The following HPSE2 variants were observed in gnomAD, a reference collection of about 807,000 sequenced individuals.
The protein encoded by HPSE2 is inactive heparanase-2.
Under a neutral mutation model 60.5 loss-of-function variants are expected in HPSE2, and 38 were observed. That is an observed-to-expected ratio of 0.63 (90% confidence interval 0.48 to 0.82). HPSE2 has a LOEUF of 0.82. Among genes scored for constraint, HPSE2 ranks in the 40% least tolerant of loss-of-function variants. HPSE2 has a pLI of 0.00. For missense variants in HPSE2, 713 were observed against 740.4 expected (o/e 0.96, Z 0.43); for synonymous variants, 295 against 293.2 (o/e 1.01, Z -0.06).
intron 3 of HPSE2, among the ~76,000 whole-genome samples, chr10:98,767,496 T>A (rs1950145974): frequency 6.7e-6 from 1 of 148,936 alleles, no homozygotes; most frequent in Admixed American, 6.7e-5. Flanking sequence ...GATATATACA[T>A]GTATATGTTA....
At chr10:98,722,713 G>A (rs1026566538) in intron 4 of HPSE2, among the ~76,000 whole-genome samples, 4 of 152,064 alleles carry the variant, frequency 2.6e-5, no homozygotes, top group African/African-American at 9.7e-5. Context: ...TCCCTGAAAC[G>A]AGCAGCTCCA....
intron 3 of HPSE2, among the ~76,000 whole-genome samples, chr10:99,075,638 T>C (rs1430739298): frequency 6.6e-6 from 1 of 152,178 alleles, no homozygotes; most frequent in Non-Finnish European, 1.5e-5. Context: ...AGTGTCCCAC[T>C]ATTATAGGAT....
At chr10:98,888,249 T>C (rs1953229923) in intron 3 of HPSE2, among the ~76,000 whole-genome samples, 1 of 151,816 alleles carries the variant, frequency 6.6e-6, no homozygotes, top group Non-Finnish European at 1.5e-5. Context: ...TGACATATAG[T>C]TTCCATAGAA....
chr10:98,544,786 G>A (rs1442978379), intron 9 of HPSE2, among the ~76,000 whole-genome samples: 3 of 147,646 alleles, frequency 2.0e-5, no homozygotes, highest in Non-Finnish European at 4.5e-5. Context: ...CTAGCAGAAC[G>A]CAAGAAATAA....
intron 5 of HPSE2, among the ~76,000 whole-genome samples, chr10:98,709,412 T>C (rs1467873461): frequency 6.6e-6 from 1 of 152,222 alleles, no homozygotes; most frequent in Non-Finnish European, 1.5e-5. Flanking sequence ...GAGTGGAAGA[T>C]CTTGGTTTTC....
At chr10:98,649,331 T>G (rs1946855840) in intron 6 of HPSE2, among the ~76,000 whole-genome samples, 1 of 152,166 alleles carries the variant, frequency 6.6e-6, no homozygotes, top group Admixed American at 6.5e-5. Context: ...TGCTAGCTAT[T>G]TTACATATAG....
At position 98,744,006 on chromosome 10, in the gene HPSE2, G is replaced by A. The variant is rs1195515652; in HGVS notation, c.661C>T (p.Leu221=). 3 of 1,614,118 alleles carry A rather than the reference G, an allele frequency of 1.9e-6. No homozygotes were observed. The highest frequency in any genetic ancestry group is 2.2e-5 in the South Asian group (2 of 91,088). ...CGCAGTGCATTTAGAGCAAATATCA[G>A]GTGGAGTCCAGAGCAATCAGCAAAG... is the stretch of plus-strand genomic sequence containing the variant. The part of the protein sequence containing the change: ...YNFADCSGLH[L]IFALNALRRN... The change falls in exon 4 of 12, where the codon CTG becomes TTG. Residue 221 remains leucine, a synonymous_variant. Transcript: ENST00000370552.
chr10:99,205,486 G>A (rs1848714351), intron 2 of HPSE2, among the ~76,000 whole-genome samples: 1 of 152,186 alleles, frequency 6.6e-6, no homozygotes, highest in Non-Finnish European at 1.5e-5. Context: ...GGAGGCTGAG[G>A]CATGAGAATC....
intron 9 of HPSE2, among the ~76,000 whole-genome samples, chr10:98,539,728 C>G (rs1943400437): frequency 6.6e-6 from 1 of 152,028 alleles, no homozygotes; most frequent in East Asian, 1.9e-4. Context: ...TTCACTCTCC[C>G]TCTGATTGCT....
intron 3 of HPSE2, among the ~76,000 whole-genome samples, chr10:98,942,727 T>C (rs371653793): frequency 5.9e-5 from 9 of 152,262 alleles, no homozygotes; most frequent in Admixed American, 2.0e-4. Flanking sequence ...CATCTCATTA[T>C]TGGGTATATA....
chr10:99,263,713 C>G, the HPSE2 span, among the ~76,000 whole-genome samples: 4 of 152,040 alleles, frequency 2.6e-5, no homozygotes, highest in African/African-American at 9.7e-5. Flanking sequence ...CTACACTCAA[C>G]GCAGATGGTT....
intron 3 of HPSE2, among the ~76,000 whole-genome samples, chr10:98,845,749 A>T (rs1313964958): frequency 6.6e-6 from 1 of 152,010 alleles, no homozygotes; most frequent in African/African-American, 2.4e-5. Flanking sequence ...CTTCCCGTCT[A>T]CTCTCCAGTG....
chr10:98,727,714 A>G (rs1218469616), intron 4 of HPSE2, among the ~76,000 whole-genome samples: 1 of 152,058 alleles, frequency 6.6e-6, no homozygotes, highest in African/African-American at 2.4e-5. Flanking sequence ...AAAGAGCTAA[A>G]GGAAAGTATA....
At chr10:98,648,530 A>C (rs896390618) in intron 6 of HPSE2, among the ~76,000 whole-genome samples, 5 of 152,162 alleles carry the variant, frequency 3.3e-5, no homozygotes, top group African/African-American at 1.2e-4. Context: ...CTGTGGTCTC[A>C]GCACTTTGGG....
At chr10:98,958,614 T>C (rs993893155) in intron 3 of HPSE2, among the ~76,000 whole-genome samples, 1 of 152,090 alleles carries the variant, frequency 6.6e-6, no homozygotes, top group Admixed American at 6.6e-5. Flanking sequence ...AAAGAAACTA[T>C]AGATTCTTTA....
rs113025724 is a variant in HPSE2 at position 99,002,666 on chromosome 10, A to G, written c.610+141572T>C. Among the ~76,000 whole-genome samples the G allele has an allele frequency of 5.2e-3, 793 of 152,242 alleles. 6 individuals carry two copies. Among genetic ancestry groups the G allele is most frequent in the Middle Eastern group, 0.01 (3 of 294 alleles). On this transcript the variant is annotated intron_variant, in intron 3 of 11. Coordinates refer to ENST00000370552, the MANE Select transcript of HPSE2 (RefSeq NM_021828.5). Reference sequence around the variant, plus strand: ...GACATGATGACTAAATCTGGATGAGATCCTGAACAGAAAATGAACACATGT... The same window carrying G: ...GACATGATGACTAAATCTGGATGAGGTCCTGAACAGAAAATGAACACATGT...
At chr10:99,202,573 A>G (rs982865714) in intron 2 of HPSE2, among the ~76,000 whole-genome samples, 1 of 152,136 alleles carries the variant, frequency 6.6e-6, no homozygotes, top group Non-Finnish European at 1.5e-5. Context: ...TACCCCCAAA[A>G]TATGTATATC....
intron 6 of HPSE2, among the ~76,000 whole-genome samples, chr10:98,685,362 C>T (rs1010941264): frequency 1.3e-5 from 2 of 152,148 alleles, no homozygotes; most frequent in African/African-American, 4.8e-5. Context: ...ACACAAAACC[C>T]TATCAAAATG....
intron 2 of HPSE2, among the ~76,000 whole-genome samples, chr10:99,153,164 G>C (rs1042686560): frequency 1.1e-4 from 16 of 152,198 alleles, no homozygotes; most frequent in East Asian, 7.7e-4. Context: ...AGGCAGCAGC[G>C]AGGCTGGGGG....
Sources: gnomAD v4.1 joint callset for allele counts (sites outside exome capture counted in the v4.1 genomes callset) on GRCh38, gnomAD v4.1.1 for gene constraint, MANE v1.5 for transcripts, NCBI Gene and HGNC (gene_info 2026-07-23, HGNC 2026-07-21) for gene names.